Variants in SRC observed in about 807,000 individuals in gnomAD.
The protein encoded by SRC is proto-oncogene tyrosine-protein kinase Src.
In SRC, 13 loss-of-function variants were observed where a neutral mutation model predicts 62.9. The observed-to-expected ratio is 0.21, with a 90% confidence interval of 0.13 to 0.33. SRC has a LOEUF of 0.33. Among genes scored for constraint, SRC ranks in the 10% least tolerant of loss-of-function variants. The pLI is 1.00. For missense variants in SRC, 457 were observed against 737.3 expected, an observed-to-expected ratio of 0.62 and a Z score of 4.40; for synonymous variants, 302 against 317.5, an observed-to-expected ratio of 0.95 and a Z score of 0.52.
At chr20:37,381,418 C>T (rs902861508) in intron 2 of SRC, among the ~76,000 whole-genome samples, 7 of 152,264 alleles carry the variant, frequency 4.6e-5, no homozygotes, top group East Asian at 1.9e-4. Context: ...CCCATTCTCC[C>T]GTCTTTGATT....
intron 7 of SRC, among the ~76,000 whole-genome samples, chr20:37,395,132 T>C (rs550456898): frequency 6.6e-6 from 1 of 152,280 alleles, no homozygotes; most frequent in East Asian, 1.9e-4. Context: ...GGGCCATCAG[T>C]AGAAAATCAT....
chr20:37,394,110 A>G, intron 6 of SRC, 64 bp from the exon 7 acceptor site: 1 of 1,569,890 alleles, frequency 6.4e-7, no homozygotes, highest in Non-Finnish European at 8.8e-7. Flanking sequence ...ATATCCAGGG[A>G]GAAGCACTGT....
chr20:37,368,688 G>C (rs1600973714), intron 2 of SRC, among the ~76,000 whole-genome samples: 2 of 148,780 alleles, frequency 1.3e-5, no homozygotes. Flanking sequence ...AAGTAGCTGG[G>C]ACTACAGGCG....
chr20:37,369,382 C>CT (rs1265646060), intron 2 of SRC, among the ~76,000 whole-genome samples: 1 of 152,034 alleles, frequency 6.6e-6, no homozygotes, highest in Non-Finnish European at 1.5e-5. Context: ...AATCTTTTTC[C>CT]TAAGTATTCT....
chr20:37,367,493 T>C (rs145380888), intron 2 of SRC, among the ~76,000 whole-genome samples: 39 of 152,144 alleles, frequency 2.6e-4, no homozygotes, highest in African/African-American at 9.2e-4. Flanking sequence ...TTGCCTATTT[T>C]TATGATTAAT....
intron 10 of SRC, among the ~76,000 whole-genome samples, chr20:37,401,341 CTGT>C (rs2070734281): frequency 6.6e-6 from 1 of 152,096 alleles, no homozygotes; most frequent in South Asian, 2.1e-4. Context: ...CAGTTTGTTC[CTGT>C]TGTTGCTGAG....
At chr20:37,358,252 T>C (rs1197363962) in intron 1 of SRC, among the ~76,000 whole-genome samples, 1 of 152,168 alleles carries the variant, frequency 6.6e-6, no homozygotes, top group Non-Finnish European at 1.5e-5. Context: ...TTTTGATCGC[T>C]GTTGTTTTTG....
upstream of SRC, among the ~76,000 whole-genome samples, chr20:37,345,711 G>A (rs1445048548): frequency 1.3e-5 from 2 of 152,214 alleles, no homozygotes; most frequent in African/African-American, 4.8e-5. Flanking sequence ...AAGTCGACCT[G>A]AGCAGCTTAG....
chr20:37,371,725 G>C (rs184111247), intron 2 of SRC, among the ~76,000 whole-genome samples: 2 of 151,974 alleles, frequency 1.3e-5, no homozygotes, highest in Non-Finnish European at 2.9e-5. Flanking sequence ...TTTTGAGATG[G>C]AGTTTCACTC....
At chr20:37,378,288 A>G (rs566631733) in intron 2 of SRC, among the ~76,000 whole-genome samples, 1 of 151,150 alleles carries the variant, frequency 6.6e-6, no homozygotes, top group East Asian at 1.9e-4. Flanking sequence ...TCAGCCTTCC[A>G]AGTAGCTGGG....
chr20:37,373,898 T>C (rs139893167), intron 2 of SRC, among the ~76,000 whole-genome samples: 3,333 of 152,294 alleles, frequency 0.022, 114 homozygotes, highest in African/African-American at 0.076. Context: ...TGTGTCTTTA[T>C]AGTAAGGTTT....
chr20:37,388,852 G>A (rs73299322), intron 5 of SRC, among the ~76,000 whole-genome samples: 1 of 152,030 alleles, frequency 6.6e-6, no homozygotes, highest in Non-Finnish European at 1.5e-5. Flanking sequence ...ATGGGCCACC[G>A]GAATTTAAGG....
intron 1 of SRC, among the ~76,000 whole-genome samples, chr20:37,348,053 A>ACTGC (rs1451924845): frequency 6.6e-6 from 1 of 152,084 alleles, no homozygotes; most frequent in Non-Finnish European, 1.5e-5. Flanking sequence ...CTCTCAGCTG[A>ACTGC]CTGCCTGCCT....
chr20:37,367,135 T>C (rs2070076033), intron 2 of SRC, among the ~76,000 whole-genome samples: 1 of 151,410 alleles, frequency 6.6e-6, no homozygotes, highest in South Asian at 2.1e-4. Flanking sequence ...TCTCACTCTG[T>C]TGCCAAGGCT....
Position 37,402,298 on chromosome 20 carries a change from G to A in SRC, c.1117-137G>A, listed in dbSNP as rs2070749387. 9.4e-7 allele frequency: 1 copy of A among 1,061,694 alleles called. No homozygotes were observed. The highest frequency in any genetic ancestry group is 1.4e-6 in the Non-Finnish European group (1 of 735,310). 65.8% of individuals were successfully genotyped at this position (1,061,694 alleles called of 1,614,324 possible). A position where few individuals can be genotyped will look rare whatever the true frequency, so the allele number is the denominator to read the frequency against. The stretch of plus-strand genomic sequence containing the variant: ...GCTTTCGATGCCAACAGCATTTACT[G>A]TGAACTGACCTCACTTGCCTGAAGA... On this transcript the variant is annotated intron_variant, in intron 11 of 13. Transcript: ENST00000373578. This position sits in a 1 kb window ranked among gnomAD's most constrained non-coding sequence, Gnocchi z 6.2.
intron 1 of SRC, among the ~76,000 whole-genome samples, chr20:37,358,572 G>C (rs1185914993): frequency 6.6e-6 from 1 of 152,210 alleles, no homozygotes; most frequent in African/African-American, 2.4e-5. Flanking sequence ...CAGGCAGTAC[G>C]CTTCCTTGGA....
intron 2 of SRC, among the ~76,000 whole-genome samples, chr20:37,373,121 T>C (rs114632230): frequency 0.014 from 2,087 of 147,772 alleles, 42 homozygotes; most frequent in African/African-American, 0.039. Flanking sequence ...TACACACACA[T>C]ATGTACATAT....
rs1172680521 is a variant in SRC at position 37,390,451 on chromosome 20, G to A, written c.351-3444G>A. On this transcript the variant is annotated intron_variant, in intron 5 of 13. Coordinates refer to ENST00000373578, the MANE Select transcript of SRC (RefSeq NM_198291.3). ...CTTGCTCTGTGGCCCAGGCTGGAGT[G>A]CAGTGGTGCGATCTTGGCTTACTGC... Among the ~76,000 whole-genome samples the A allele has an allele frequency of 2.2e-5, 3 of 137,716 alleles. No individual in the cohort carries two copies. The East Asian group carries it at 6.5e-4, about 30-fold the overall frequency. 90.3% of individuals were successfully genotyped at this position (137,716 alleles called of 152,430 possible).
intron 2 of SRC, among the ~76,000 whole-genome samples, chr20:37,368,648 G>A (rs1330687737): frequency 7.2e-6 from 1 of 138,892 alleles, no homozygotes; most frequent in Non-Finnish European, 1.5e-5. Flanking sequence ...CGCCTCCCGG[G>A]TTCACGCCAT....
Sources: gnomAD v4.1 joint callset for allele counts (sites outside exome capture counted in the v4.1 genomes callset) on GRCh38, gnomAD v4.1.1 for gene constraint, Gnocchi (gnomAD v3.1) non-coding constraint, MANE v1.5 for transcripts, NCBI Gene and HGNC (gene_info 2026-07-23, HGNC 2026-07-21) for gene names.